CSMD2: variants seen among roughly 807,000 people sequenced by gnomAD.
CSMD2 encodes CUB and Sushi multiple domains 2, also known as CUB and sushi domain-containing protein 2.
In CSMD2, 130 loss-of-function variants were observed where a neutral mutation model predicts 398.5. That is an observed-to-expected ratio of 0.33 (90% CI 0.28 to 0.38). The LOEUF (loss-of-function observed/expected upper bound fraction) is 0.38. Among genes scored for constraint, CSMD2 ranks in the 10% least tolerant of loss-of-function variants. CSMD2 has a pLI of 1.00. For missense variants in CSMD2, 3,829 were observed against 4,764.9 expected (o/e 0.80, Z 5.78); for synonymous variants, 1,828 against 1,908.5 (o/e 0.96, Z 1.10).
chr1:34,148,602 T>C (rs1639999635), intron 1 of CSMD2, among the ~76,000 whole-genome samples: 1 of 59,694 alleles, frequency 1.7e-5, no homozygotes, highest in Admixed American at 2.4e-4. Flanking sequence ...ACCCCCTCCT[T>C]CAGTGGGGCA....
chr1:33,571,160 T>C (rs1241143002), intron 51 of CSMD2, among the ~76,000 whole-genome samples: 1 of 152,186 alleles, frequency 6.6e-6, no homozygotes, highest in East Asian at 1.9e-4. Flanking sequence ...TCATCACTTC[T>C]TTATGTGTCT....
At chr1:33,746,958 T>G (rs1253278493) in intron 13 of CSMD2, among the ~76,000 whole-genome samples, 1 of 152,208 alleles carries the variant, frequency 6.6e-6, no homozygotes, top group Non-Finnish European at 1.5e-5. Context: ...CCTGCATGTA[T>G]TTATCTTAGA....
At chr1:33,870,049 C>A (rs1240739496) in intron 5 of CSMD2, 7 of 152,154 alleles carry the variant, frequency 4.6e-5, no homozygotes, top group African/African-American at 1.7e-4. Flanking sequence ...GTTTTAGCTT[C>A]CACTAAAATA....
At chr1:33,701,176 C>T (rs1571271517) in intron 22 of CSMD2, among the ~76,000 whole-genome samples, 1 of 152,204 alleles carries the variant, frequency 6.6e-6, no homozygotes, top group Non-Finnish European at 1.5e-5. Context: ...CTTGAGCACT[C>T]TGCTGGACAT....
chr1:33,728,649 C>A (rs975963719), intron 15 of CSMD2, among the ~76,000 whole-genome samples: 4 of 151,966 alleles, frequency 2.6e-5, no homozygotes, highest in African/African-American at 7.3e-5. Flanking sequence ...TCTCTAAATC[C>A]CCCGTGACAC....
At chr1:34,004,303 A>G (rs1406472173) in intron 3 of CSMD2, among the ~76,000 whole-genome samples, 2 of 152,166 alleles carry the variant, frequency 1.3e-5, no homozygotes, top group Non-Finnish European at 2.9e-5. Context: ...ATTTCCCTGG[A>G]ACTTAAGCCA....
chr1:34,107,657 G>C (rs1406758402), intron 1 of CSMD2, among the ~76,000 whole-genome samples: 1 of 152,138 alleles, frequency 6.6e-6, no homozygotes, highest in Non-Finnish European at 1.5e-5. Context: ...GATGAAGGAT[G>C]GCCAATGTAG....
intron 6 of CSMD2, among the ~76,000 whole-genome samples, chr1:33,845,185 T>C (rs556891196): frequency 6.6e-6 from 1 of 152,358 alleles, no homozygotes; most frequent in East Asian, 1.9e-4. Flanking sequence ...GAGGAGGCCC[T>C]GTAATTCTGC....
chr1:33,625,461 C>T lies in CSMD2; in HGVS notation c.5297-207G>A, dbSNP rs138228393. Among the ~76,000 whole-genome samples the T allele has an allele frequency of 4.2e-3, 638 of 152,330 alleles. 6 individuals carry two copies. The highest frequency in any genetic ancestry group is 0.015 in the African/African-American group (604 of 41,568). On this transcript the variant is annotated intron_variant, in intron 33 of 70. Transcript: ENST00000373381. ...GGACACACAGCGCTACAGCACAGCT[C>T]CTGGAAAGCACGGGAGGTAGAGCCG... is the stretch of plus-strand genomic sequence containing the variant.
intron 47 of CSMD2, among the ~76,000 whole-genome samples, chr1:33,582,793 AGGAG>A (rs1638820032): frequency 1.3e-5 from 2 of 152,228 alleles, no homozygotes; most frequent in African/African-American, 2.4e-5. Context: ...TTAACAAAGT[AGGAG>A]CCTCAATTGT....
chr1:33,656,780 C>T (rs1643960745), intron 27 of CSMD2, among the ~76,000 whole-genome samples: 1 of 152,188 alleles, frequency 6.6e-6, no homozygotes, highest in Non-Finnish European at 1.5e-5. Context: ...GTCTAAGTTT[C>T]AGTTTCAAGT....
intron 2 of CSMD2, among the ~76,000 whole-genome samples, chr1:34,036,181 T>G (rs551982606): frequency 6.6e-6 from 1 of 152,238 alleles, no homozygotes; most frequent in East Asian, 1.9e-4. Context: ...TGGAAACTTA[T>G]ATCCATTAGG....
intron 5 of CSMD2, among the ~76,000 whole-genome samples, chr1:33,883,316 G>T (rs1482052202): frequency 6.6e-6 from 1 of 152,034 alleles, no homozygotes; most frequent in African/African-American, 2.4e-5. Context: ...TGTGTAGTTG[G>T]GCAAGTTGCT....
chr1:34,079,658 CGAA>C (rs1656831167), intron 2 of CSMD2, among the ~76,000 whole-genome samples: 1 of 152,020 alleles, frequency 6.6e-6, no homozygotes, highest in Admixed American at 6.5e-5. Flanking sequence ...GCTACAAACA[CGAA>C]GAAAATTCTA....
chr1:33,625,009 G>T, intron 34 of CSMD2, 42 bp downstream of exon 34: 1 of 1,590,506 alleles, frequency 6.3e-7, no homozygotes, highest in Non-Finnish European at 8.6e-7. Flanking sequence ...AGGACTACGT[G>T]CCGCCCCCCG....
intron 3 of CSMD2, among the ~76,000 whole-genome samples, chr1:33,955,562 T>C (rs1350763864): frequency 6.6e-6 from 1 of 152,202 alleles, no homozygotes; most frequent in Non-Finnish European, 1.5e-5. Flanking sequence ...CGCTTACTCA[T>C]GGGCAATCTT....
intron 21 of CSMD2, among the ~76,000 whole-genome samples, chr1:33,711,764 G>A (rs953531553): frequency 6.6e-6 from 1 of 152,090 alleles, no homozygotes; most frequent in African/African-American, 2.4e-5. Flanking sequence ...CTGCATAAGA[G>A]CTATGTGCCC....
intron 5 of CSMD2, among the ~76,000 whole-genome samples, chr1:33,896,866 C>T (rs1324436426): frequency 6.6e-6 from 1 of 151,802 alleles, no homozygotes; most frequent in African/African-American, 2.4e-5. Context: ...GAGAGGATTC[C>T]AAGCAGAGGG....
At chr1:33,546,696 T>C (rs945834244) in intron 56 of CSMD2, among the ~76,000 whole-genome samples, 1 of 151,304 alleles carries the variant, frequency 6.6e-6, no homozygotes, top group African/African-American at 2.4e-5. Context: ...TTCTACTTTG[T>C]CCTCTAATCT....
Sources: allele counts gnomAD v4.1 joint callset (sites outside exome capture counted in the v4.1 genomes callset), GRCh38; gene constraint gnomAD v4.1.1; transcripts MANE v1.5; gene names NCBI Gene and HGNC (gene_info 2026-07-23, HGNC 2026-07-21).